The following ITGAV variants were observed in gnomAD, a reference collection of about 807,000 sequenced individuals.
ITGAV encodes the protein integrin subunit alpha V, also known as integrin alpha-V.
A neutral mutation model predicts 143.8 loss-of-function variants in ITGAV; 76 were observed. The ratio of observed to expected loss-of-function variants is 0.53; its 90% CI spans 0.44 to 0.64. The LOEUF is 0.64. Among genes scored for constraint, ITGAV ranks in the 30% least tolerant of loss-of-function variants. The probability of loss-of-function intolerance (pLI) is 0.00; values close to 1 mark genes in which losing one functional copy is unlikely to be tolerated. For synonymous variants in ITGAV, 453 were observed against 446.7 expected (o/e 1.01, Z -0.18); for missense variants, 1,193 against 1,274.7 (o/e 0.94, Z 0.98).
intron 15 of ITGAV, among the ~76,000 whole-genome samples, chr2:186,654,139 C>T (rs544935664): frequency 1.1e-4 from 16 of 152,218 alleles, no homozygotes; most frequent in African/African-American, 3.9e-4. Context: ...TTGAGACCAG[C>T]CTGGCCAACG....
chr2:186,616,543 G>A (rs1456705542), intron 2 of ITGAV, among the ~76,000 whole-genome samples: 1 of 152,110 alleles, frequency 6.6e-6, no homozygotes, highest in South Asian at 2.1e-4. Flanking sequence ...CTCCCAAAGT[G>A]CTGGGATTAC....
At chr2:186,625,353 C>CA in intron 3 of ITGAV, 120 bp from the exon 4 acceptor site, 1 of 645,612 alleles carries the variant, frequency 1.5e-6, no homozygotes, top group Non-Finnish European at 2.8e-6. Flanking sequence ...GCCTGGGCAA[C>CA]AGACTGAGAC....
At chr2:186,632,499 T>G in intron 5 of ITGAV, among the ~76,000 whole-genome samples, 1 of 152,124 alleles carries the variant, frequency 6.6e-6, no homozygotes, top group African/African-American at 2.4e-5. Context: ...GAAAAAAAAT[T>G]TATCTTACCT....
chr2:186,667,845 T>C (rs1222735036), intron 24 of ITGAV, 69 bp downstream of exon 24: 5 of 860,728 alleles, frequency 5.8e-6, no homozygotes, highest in Non-Finnish European at 8.8e-6. Flanking sequence ...ACTAAGCTAC[T>C]TTAAAAAAAA....
chr2:186,652,551 T>A lies in ITGAV; in HGVS notation c.1505+462T>A, dbSNP rs191138644. ...TAGAAATAGTGCTCCAAAAAGGATATCTAAAGGCTGTAAAGATACTCTATA... is the reference window on the plus strand; with the variant it reads ...TAGAAATAGTGCTCCAAAAAGGATAACTAAAGGCTGTAAAGATACTCTATA... On this transcript the variant is annotated intron_variant, in intron 15 of 29. Transcript: ENST00000261023. Among the ~76,000 whole-genome samples the A allele has an allele frequency of 2.8e-4, 43 of 152,302 alleles. No individual in the cohort carries two copies. The East Asian group carries it at 7.7e-3, about 27-fold the overall frequency.
chr2:186,600,098 C>G (rs1686857049), intron 1 of ITGAV: 1 of 461,512 alleles, frequency 2.2e-6, no homozygotes, highest in Admixed American at 4.0e-5. Context: ...GGATAAAATA[C>G]AAAGTTTAAC....
At chr2:186,674,851 G>T (rs77039181) in intron 26 of ITGAV, among the ~76,000 whole-genome samples, 2 of 152,020 alleles carry the variant, frequency 1.3e-5, no homozygotes, top group African/African-American at 4.8e-5. Flanking sequence ...AGAACCTTCC[G>T]TACAATATTG....
chr2:186,665,793 T>C (rs2084448), intron 21 of ITGAV, among the ~76,000 whole-genome samples: 41,368 of 152,182 alleles, frequency 0.27, 5,757 homozygotes, highest in South Asian at 0.38. Context: ...ACTTTTTCAA[T>C]AGAATTTATT....
rs200979373 is a variant in ITGAV at position 186,679,834 on chromosome 2, A to T, written c.*2542A>T. The T allele has an allele frequency of 2.0e-4, 30 of 152,176 alleles. No individual in the cohort carries two copies. Among genetic ancestry groups the T allele is most frequent in the African/African-American group, 7.0e-4 (29 of 41,576 alleles). The allele number at this position is 152,176 out of a possible 1,614,324, so 9.4% of individuals were successfully genotyped here. On this transcript the variant is annotated 3_prime_UTR_variant, in exon 30 of 30. Coordinates refer to ENST00000261023, the MANE Select transcript of ITGAV (RefSeq NM_002210.5). ...TAATTCTGAATCTGAAAGGTAAAAC[A>T]ATTAGTCAAAATATTATTGCCATCA...
chr2:186,658,803 C>G (rs1409528622), intron 17 of ITGAV, among the ~76,000 whole-genome samples: 1 of 152,060 alleles, frequency 6.6e-6, no homozygotes, highest in Admixed American at 6.6e-5. Flanking sequence ...ATGTCTCGTA[C>G]TTTCGTGTGA....
At chr2:186,618,302 T>C (rs1687423959) in intron 2 of ITGAV, among the ~76,000 whole-genome samples, 1 of 152,250 alleles carries the variant, frequency 6.6e-6, no homozygotes, top group Non-Finnish European at 1.5e-5. Flanking sequence ...CACTGGATGA[T>C]GTTATTCTTT....
At chr2:186,642,535 CTTTT>C (rs35034170) in intron 12 of ITGAV, among the ~76,000 whole-genome samples, 9 of 113,164 alleles carry the variant, frequency 8.0e-5, no homozygotes, top group Non-Finnish European at 8.9e-5. Flanking sequence ...TCTTTTTTTT[CTTTT>C]TTTTTTTTTT....
chr2:186,614,953 T>G (rs1201841607), intron 2 of ITGAV, among the ~76,000 whole-genome samples: 1 of 152,062 alleles, frequency 6.6e-6, no homozygotes, highest in Admixed American at 6.5e-5. Context: ...ATTACTACAG[T>G]CTAATTCCAG....
chr2:186,621,489 A>C (rs573990978), intron 2 of ITGAV, among the ~76,000 whole-genome samples: 87 of 152,300 alleles, frequency 5.7e-4, no homozygotes, highest in Middle Eastern at 6.8e-3. Context: ...TTCACAATTC[A>C]AATTTCCACA....
In ITGAV at chr2:186,679,360, A is replaced by G. The variant is rs1022760191; in HGVS notation, c.*2068A>G. 2.6e-5 allele frequency: 4 copies of G among 152,000 alleles called. No individual in the cohort carries two copies. Among genetic ancestry groups the G allele is most frequent in the Admixed American group, 2.6e-4 (4 of 15,256 alleles). The allele number at this position is 152,000 out of a possible 1,614,324, so 9.4% of individuals were successfully genotyped here. A position where few individuals can be genotyped will look rare whatever the true frequency, so the allele number is the denominator to read the frequency against. On this transcript the variant is annotated 3_prime_UTR_variant, in exon 30 of 30. Transcript: ENST00000261023. ...ATGCTGTAATTTAGAAATTAACATG[A>G]TATCTTAAATTACCTTTATGAAATA...
At chr2:186,675,980 A>G (rs762024137) in intron 28 of ITGAV, 53 bp downstream of exon 28, 1 of 967,694 alleles carries the variant, frequency 1.0e-6, no homozygotes, top group South Asian at 1.4e-5. Context: ...CAAATGCTGT[A>G]CATGTTTTTA....
chr2:186,609,002 A>C (rs1376735557), intron 2 of ITGAV, among the ~76,000 whole-genome samples: 1 of 152,142 alleles, frequency 6.6e-6, no homozygotes, highest in Non-Finnish European at 1.5e-5. Flanking sequence ...ATCATTTTAT[A>C]GAGATTTAAA....
intron 16 of ITGAV, among the ~76,000 whole-genome samples, chr2:186,655,123 A>G (rs1688547523): frequency 6.6e-6 from 1 of 152,178 alleles, no homozygotes; most frequent in South Asian, 2.1e-4. Flanking sequence ...AAGGAGGAGA[A>G]AAAGTTTTGG....
intron 2 of ITGAV, among the ~76,000 whole-genome samples, chr2:186,618,896 T>C (rs1296951232): frequency 6.6e-6 from 1 of 152,138 alleles, no homozygotes; most frequent in Non-Finnish European, 1.5e-5. Context: ...GCAATCCCAC[T>C]ACTAGGCATT....
Sources: allele counts gnomAD v4.1 joint callset (sites outside exome capture counted in the v4.1 genomes callset), GRCh38; gene constraint gnomAD v4.1.1; transcripts MANE v1.5; gene names NCBI Gene and HGNC (gene_info 2026-07-23, HGNC 2026-07-21).